Variants in ADCY1 observed in about 807,000 individuals in gnomAD.
ADCY1 encodes adenylate cyclase 1, also known as adenylate cyclase type 1.
A neutral mutation model predicts 105.4 loss-of-function variants in ADCY1; 28 were observed. The observed-to-expected ratio is 0.27, with a 90% CI of 0.20 to 0.36. ADCY1 has a LOEUF of 0.36. ADCY1 is among the 10% of genes least tolerant of loss of function. The pLI, the probability that ADCY1 is intolerant of heterozygous loss-of-function variation, is 1.00. For synonymous variants in ADCY1, 655 were observed against 623.8 expected (o/e 1.05, Z -0.75); for missense variants, 977 against 1,434.2 (o/e 0.68, Z 5.15).
chr7:45,667,246 G>A (rs887351186), intron 8 of ADCY1, among the ~76,000 whole-genome samples: 5 of 152,184 alleles, frequency 3.3e-5, no homozygotes, highest in African/African-American at 1.2e-4. Context: ...TTCTTCTAAG[G>A]TTTTTATGGT....
At chr7:45,697,442 G>A (rs1319166036) in intron 14 of ADCY1, among the ~76,000 whole-genome samples, 1 of 145,568 alleles carries the variant, frequency 6.9e-6, no homozygotes, top group Non-Finnish European at 1.5e-5. Flanking sequence ...CCAGGTTGGA[G>A]TGCAATGGCA....
At chr7:45,633,800 CAAAAAAA>C (rs754127020) in intron 4 of ADCY1, among the ~76,000 whole-genome samples, 2 of 49,490 alleles carry the variant, frequency 4.0e-5, no homozygotes, top group South Asian at 5.7e-4. Context: ...GACATCATCG[CAAAAAAA>C]AAAAAAAAAA....
At chr7:45,667,050 T>C (rs987388349) in intron 8 of ADCY1, among the ~76,000 whole-genome samples, 4 of 152,238 alleles carry the variant, frequency 2.6e-5, no homozygotes, top group African/African-American at 9.6e-5. Context: ...ATGAGTAGAT[T>C]GCAAAAATTT....
rs865823098 is a variant in ADCY1 at position 45,574,697 on chromosome 7, T to C, written c.154T>C (p.Tyr52His). 1.4e-6 allele frequency: 2 copies of C among 1,403,738 alleles called. No homozygotes were observed. The highest frequency in any genetic ancestry group is 1.8e-6 in the Non-Finnish European group (2 of 1,084,444). 87.0% of individuals were successfully genotyped at this position (1,403,738 alleles called of 1,614,324 possible). ...CPELEALFRG[Y>H]TLRLEQAATL... ...AGAGCTGGAGGCGCTGTTCCGCGGCTACACGCTGCGGCTGGAGCAGGCGGC... is the reference window on the plus strand; with the variant it reads ...AGAGCTGGAGGCGCTGTTCCGCGGCCACACGCTGCGGCTGGAGCAGGCGGC... The change falls in exon 1 of 20, where the codon TAC (tyrosine) becomes CAC (histidine). Residue 52 changes from tyrosine (Y) to histidine (H), a missense_variant. Physicochemically the swap from Tyr to His is moderately conservative, Grantham distance 83. Coordinates refer to ENST00000297323, the MANE Select transcript of ADCY1 (RefSeq NM_021116.4). This position sits in a 1 kb window ranked among gnomAD's most constrained non-coding sequence, Gnocchi z 7.0.
chr7:45,610,639 G>A, intron 3 of ADCY1, 142 bp downstream of exon 3: 1 of 712,418 alleles, frequency 1.4e-6, no homozygotes, highest in Non-Finnish European at 2.4e-6. Flanking sequence ...AGGTAATGGT[G>A]AAGGTGGGGA....
chr7:45,579,399 T>C (rs1792453554), intron 1 of ADCY1, among the ~76,000 whole-genome samples: 1 of 151,290 alleles, frequency 6.6e-6, no homozygotes, highest in Non-Finnish European at 1.5e-5. Context: ...GCTGGGATCC[T>C]CCTCCCCCAC....
intron 4 of ADCY1, among the ~76,000 whole-genome samples, chr7:45,642,817 T>G (rs1000793695): frequency 2.0e-5 from 3 of 152,218 alleles, no homozygotes; most frequent in African/African-American, 7.2e-5. Flanking sequence ...ACATTTTGTG[T>G]TGCATTTGAC....
At chr7:45,595,198 A>G (rs1793038401) in intron 2 of ADCY1, among the ~76,000 whole-genome samples, 1 of 152,192 alleles carries the variant, frequency 6.6e-6, no homozygotes, top group African/African-American at 2.4e-5. Flanking sequence ...ATGTCTGCTT[A>G]TACTCTGCTC....
In ADCY1 at chr7:45,647,883, G is replaced by A. The variant is rs1794705071; in HGVS notation, c.1021-787G>A. Among the ~76,000 whole-genome samples the A allele has an allele frequency of 6.6e-6, 1 of 152,202 alleles. No homozygotes were observed. On this transcript the variant is annotated intron_variant, in intron 4 of 19. Coordinates refer to ENST00000297323, the MANE Select transcript of ADCY1 (RefSeq NM_021116.4). This position sits in a 1 kb window ranked among gnomAD's most constrained non-coding sequence, Gnocchi z 4.6. ...CCTACACAAAAAGTTTTAGTTTTTAGTGAGTCCTTAGTGATTTCAAGACAT... is the reference window on the plus strand; with the variant it reads ...CCTACACAAAAAGTTTTAGTTTTTAATGAGTCCTTAGTGATTTCAAGACAT...
Position 45,721,808 on chromosome 7 carries a change from A to G in ADCY1, c.*7813A>G, listed in dbSNP as rs981415328. The G allele has an allele frequency of 2.0e-5, 8 of 398,474 alleles. No homozygotes were observed. The highest frequency in any genetic ancestry group is 1.6e-4 in the African/African-American group (8 of 48,616). The allele number at this position is 398,474 out of a possible 1,614,324, so 24.7% of individuals were successfully genotyped here. On this transcript the variant is annotated 3_prime_UTR_variant, in exon 20 of 20. Coordinates refer to ENST00000297323, the MANE Select transcript of ADCY1 (RefSeq NM_021116.4). ...CATGTGCTCTGACCCTCTCCTGGGC[A>G]TTGGTTCCTGCTGGTACCGGGCGGT... is the stretch of plus-strand genomic sequence containing the variant.
intron 4 of ADCY1, among the ~76,000 whole-genome samples, chr7:45,628,623 T>C (rs550873474): frequency 6.6e-6 from 1 of 152,308 alleles, no homozygotes; most frequent in South Asian, 2.1e-4. Flanking sequence ...AGGAAAATTA[T>C]TAAGAAGAGT....
chr7:45,592,200 C>T (rs1792938372), intron 1 of ADCY1, among the ~76,000 whole-genome samples: 1 of 152,014 alleles, frequency 6.6e-6, no homozygotes, highest in Non-Finnish European at 1.5e-5. Context: ...AGACTGGGCA[C>T]CTTAAACAAC....
chr7:45,621,873 A>G (rs1267209457), intron 3 of ADCY1, among the ~76,000 whole-genome samples: 1 of 152,234 alleles, frequency 6.6e-6, no homozygotes, highest in Non-Finnish European at 1.5e-5. Context: ...ACATTTTTAC[A>G]GACAAAAATA....
intron 14 of ADCY1, among the ~76,000 whole-genome samples, chr7:45,695,398 C>A (rs981895447): frequency 6.6e-6 from 1 of 152,214 alleles, no homozygotes; most frequent in Non-Finnish European, 1.5e-5. Context: ...GAACTGAAAT[C>A]TGCCAAACCC....
rs767736124 is a variant in ADCY1 at position 45,684,690 on chromosome 7, T to C, written c.1984-289T>C. 29 of 256,010 alleles carry C rather than the reference T, an allele frequency of 1.1e-4. 1 individual carries two copies. Among genetic ancestry groups the C allele is most frequent in the South Asian group, 5.0e-4 (5 of 10,012 alleles). The allele number at this position is 256,010 out of a possible 1,614,324, so 15.9% of individuals were successfully genotyped here. ...ATAATGAAAATACCAAGTTAATCTA[T>C]CCAGTTAACTTCAGTGCCAATCAAA... On this transcript the variant is annotated intron_variant, in intron 11 of 19. Coordinates refer to ENST00000297323, the MANE Select transcript of ADCY1 (RefSeq NM_021116.4).
At position 45,574,597 on chromosome 7, in the gene ADCY1, C is replaced by T. The variant is rs1448149648; in HGVS notation, c.54C>T (p.Pro18=). ...GCGGCGGAGGCGGCGCGGGCGAGCC[C>T]GGGGGCGCCGAGCGGGCGGCCGGGA... ...GGGGGGGAGE[P]GGAERAAGTS... Residue 18 remains proline, a synonymous_variant, in exon 1 of 20, where the codon CCC becomes CCT. Transcript: ENST00000297323. The surrounding 1 kb of genome is among the most constrained non-coding windows in gnomAD (Gnocchi z 7.0). 2 of 1,094,084 alleles carry T rather than the reference C, an allele frequency of 1.8e-6. No homozygotes were observed. Among genetic ancestry groups the T allele is most frequent in the Non-Finnish European group, 2.2e-6 (2 of 901,868 alleles). 67.8% of individuals were successfully genotyped at this position (1,094,084 alleles called of 1,614,324 possible). A position where few individuals can be genotyped will look rare whatever the true frequency, so the allele number is the denominator to read the frequency against.
intron 8 of ADCY1, among the ~76,000 whole-genome samples, chr7:45,670,454 C>G (rs972381952): frequency 6.6e-6 from 1 of 151,976 alleles, no homozygotes; most frequent in Non-Finnish European, 1.5e-5. Context: ...GGACCAATGT[C>G]TATTACTCCT....
chr7:45,703,019 C>A lies in ADCY1; in HGVS notation c.2455-357C>A, dbSNP rs893372507. ...GGTGCCCTGCGGGGCACATCAGGAGCTGCCTGGGGGCTGGTGGAGCCTGTG... is the reference window on the plus strand; with the variant it reads ...GGTGCCCTGCGGGGCACATCAGGAGATGCCTGGGGGCTGGTGGAGCCTGTG... On this transcript the variant is annotated intron_variant, in intron 14 of 19. Transcript: ENST00000297323. The surrounding 1 kb of genome is among the most constrained non-coding windows in gnomAD (Gnocchi z 5.9). Among the ~76,000 whole-genome samples the A allele has an allele frequency of 7.9e-5, 12 of 152,220 alleles. No homozygotes were observed. Among genetic ancestry groups the A allele is most frequent in the Admixed American group, 7.2e-4 (11 of 15,284 alleles).
chr7:45,678,384 C>G (rs1277823359), intron 10 of ADCY1, 121 bp downstream of exon 10: 1 of 920,520 alleles, frequency 1.1e-6, no homozygotes, highest in Non-Finnish European at 1.7e-6. Flanking sequence ...TCGTCTCCCA[C>G]AGTTATTGTC....
Sources: gnomAD v4.1 joint callset for allele counts (sites outside exome capture counted in the v4.1 genomes callset) on GRCh38, gnomAD v4.1.1 for gene constraint, Gnocchi (gnomAD v3.1) non-coding constraint, MANE v1.5 for transcripts, NCBI Gene and HGNC (gene_info 2026-07-23, HGNC 2026-07-21) for gene names.